RBM27: variants seen among roughly 807,000 people sequenced by gnomAD.
RBM27 encodes the protein RNA-binding protein 27.
A neutral mutation model predicts 135.3 loss-of-function variants in RBM27; 22 were observed. The observed-to-expected ratio is 0.16, with a 90% CI of 0.12 to 0.23. The LOEUF (loss-of-function observed/expected upper bound fraction) is 0.23. Ranked by LOEUF, RBM27 falls within the 10% of genes least tolerant of loss-of-function variation. The probability of loss-of-function intolerance (pLI) is 1.00; values close to 1 mark genes in which losing one functional copy is unlikely to be tolerated. For synonymous variants in RBM27, 481 were observed against 442.4 expected (o/e 1.09, Z -1.10); for missense variants, 1,009 against 1,281.0 (o/e 0.79, Z 3.24).
intron 19 of RBM27, among the ~76,000 whole-genome samples, chr5:146,278,652 T>A (rs1392940724): frequency 6.6e-6 from 1 of 152,192 alleles, no homozygotes; most frequent in Non-Finnish European, 1.5e-5. Context: ...AATGACTGCA[T>A]GGTATTTCAT....
rs532001498 is a variant in RBM27 at position 146,283,365 on chromosome 5, C to A, written c.2989-1257C>A. ...GACCAGCCTGGGCAACATCGGGAGA[C>A]CCCGTCTATAAAAATAAAAAAATTA... On this transcript the variant is annotated intron_variant, in intron 19 of 20. Transcript: ENST00000265271. 2.6e-5 allele frequency among the ~76,000 whole-genome samples: 4 copies of A among 152,066 alleles called. No individual in the cohort carries two copies. The East Asian group carries it at 5.8e-4, about 22-fold the overall frequency.
intron 8 of RBM27, among the ~76,000 whole-genome samples, chr5:146,249,747 T>C (rs1365495036): frequency 6.6e-6 from 1 of 151,866 alleles, no homozygotes; most frequent in Non-Finnish European, 1.5e-5. Context: ...TTATATTGTT[T>C]TTGCAGTGTA....
At chr5:146,277,098 A>G (rs1759123145) in intron 19 of RBM27, among the ~76,000 whole-genome samples, 1 of 152,204 alleles carries the variant, frequency 6.6e-6, no homozygotes, top group Non-Finnish European at 1.5e-5. Context: ...TTACAAAGAC[A>G]TTGAAACTCT....
chr5:146,281,914 T>G (rs1164674909), intron 19 of RBM27, among the ~76,000 whole-genome samples: 2 of 152,074 alleles, frequency 1.3e-5, no homozygotes, highest in Non-Finnish European at 2.9e-5. Context: ...TTTGTGAGAC[T>G]CATTCATGTT....
chr5:146,241,268 G>C (rs1202218774), intron 8 of RBM27, among the ~76,000 whole-genome samples: 3 of 152,056 alleles, frequency 2.0e-5, no homozygotes, highest in African/African-American at 7.2e-5. Context: ...AACTCTGGCA[G>C]TTACCATTTA....
chr5:146,237,220 G>T lies in RBM27; in HGVS notation c.1145-78G>T, dbSNP rs534300988. ...TCCCACAGTTCTGGATTACAGGTGT[G>T]AGCCACTGCTCCTGGCCTGATACTT... On this transcript the variant is annotated intron_variant, in intron 7 of 20. Coordinates refer to ENST00000265271, the MANE Select transcript of RBM27 (RefSeq NM_018989.2). 3.2e-5 allele frequency: 49 copies of T among 1,553,042 alleles called. No individual in the cohort carries two copies. The East Asian group carries it at 8.6e-4, about 27-fold the overall frequency.
chr5:146,281,550 C>T (rs1393388611), intron 19 of RBM27, among the ~76,000 whole-genome samples: 1 of 151,768 alleles, frequency 6.6e-6, no homozygotes, highest in Non-Finnish European at 1.5e-5. Context: ...ACCTGATGAA[C>T]AGGAAAAAAA....
intron 13 of RBM27, among the ~76,000 whole-genome samples, chr5:146,262,894 T>C (rs2002131058): frequency 6.6e-6 from 1 of 151,612 alleles, no homozygotes; most frequent in Admixed American, 6.6e-5. Flanking sequence ...TTTTTCCTTT[T>C]TTTTTTTTTT....
chr5:146,279,407 A>G (rs1006554269), intron 19 of RBM27, among the ~76,000 whole-genome samples: 3 of 151,908 alleles, frequency 2.0e-5, no homozygotes, highest in Non-Finnish European at 4.4e-5. Flanking sequence ...AGATCGCGCC[A>G]CTGCACTCCA....
chr5:146,217,464 G>GTTTTTTTTTTTTTTTTTTTTTTTTTT (rs545963169), intron 1 of RBM27, among the ~76,000 whole-genome samples: 1 of 70,746 alleles, frequency 1.4e-5, no homozygotes, highest in African/African-American at 6.1e-5. Context: ...GCTGAAGCCT[G>GTTTTTTTTTTTTTTTTTTTTTTTTTT]TTTTTTTTTT....
Position 146,237,306 on chromosome 5 carries a change from A to C in RBM27, c.1153A>C (p.Ile385Leu). The change falls in exon 8 of 21, where the codon ATA becomes CTA. Residue 385 changes from isoleucine to leucine, a missense_variant. Transcript: ENST00000265271. ...SVVLPIPRPP[I>L]TQSSLINSRD... Reference sequence around the variant, plus strand: ...TTGTTGTCTGTATGTAGGACCACCTATAACACAATCAAGCTTGATAAACAG... The same window carrying C: ...TTGTTGTCTGTATGTAGGACCACCTCTAACACAATCAAGCTTGATAAACAG... 6.2e-7 allele frequency: 1 copy of C among 1,614,124 alleles called. No homozygotes were observed. Among genetic ancestry groups the C allele is most frequent in the East Asian group, 2.2e-5 (1 of 44,874 alleles).
intron 9 of RBM27, among the ~76,000 whole-genome samples, chr5:146,253,556 C>T (rs1757984549): frequency 6.6e-6 from 1 of 151,500 alleles, no homozygotes; most frequent in Admixed American, 6.6e-5. Flanking sequence ...TTTTCAAAAC[C>T]TGAAAAAAGG....
At chr5:146,219,545 C>A (rs987648571) in intron 2 of RBM27, among the ~76,000 whole-genome samples, 7 of 152,166 alleles carry the variant, frequency 4.6e-5, no homozygotes, top group Non-Finnish European at 7.4e-5. Flanking sequence ...CATCTTCTTA[C>A]CAAATCTGTT....
intron 1 of RBM27, among the ~76,000 whole-genome samples, chr5:146,212,196 C>T (rs948312397): frequency 6.6e-6 from 1 of 151,756 alleles, no homozygotes; most frequent in Non-Finnish European, 1.5e-5. Flanking sequence ...ACTGGGATTA[C>T]AGGCACGCGC....
chr5:146,243,848 A>G (rs1757509074), intron 8 of RBM27, among the ~76,000 whole-genome samples: 1 of 152,180 alleles, frequency 6.6e-6, no homozygotes, highest in Admixed American at 6.5e-5. Context: ...ACCCAAAGTA[A>G]ACACAGAAAA....
intron 1 of RBM27, among the ~76,000 whole-genome samples, chr5:146,208,801 A>G (rs1246886055): frequency 6.6e-6 from 1 of 152,234 alleles, no homozygotes; most frequent in Non-Finnish European, 1.5e-5. Flanking sequence ...AGTAACCTGC[A>G]TTTCTATCAA....
intron 6 of RBM27, 49 bp from the exon 7 acceptor site, chr5:146,233,401 A>G: frequency 6.7e-7 from 1 of 1,487,772 alleles, no homozygotes; most frequent in Non-Finnish European, 8.9e-7. Flanking sequence ...TGTTTTCTGA[A>G]CTCTAAGTAG....
chr5:146,271,802 C>T (rs1161702251), intron 19 of RBM27, 128 bp downstream of exon 19: 12 of 731,964 alleles, frequency 1.6e-5, no homozygotes, highest in Non-Finnish European at 2.5e-5. Context: ...ATGAGTACTA[C>T]CAAATGCCTA....
intron 14 of RBM27, among the ~76,000 whole-genome samples, chr5:146,266,658 G>A (rs1260751034): frequency 6.6e-6 from 1 of 151,996 alleles, no homozygotes; most frequent in Non-Finnish European, 1.5e-5. Context: ...TTAAAAAGAC[G>A]GGTGCAGTGG....
Sources: allele counts gnomAD v4.1 joint callset (sites outside exome capture counted in the v4.1 genomes callset), GRCh38; gene constraint gnomAD v4.1.1; transcripts MANE v1.5; gene names NCBI Gene and HGNC (gene_info 2026-07-23, HGNC 2026-07-21).